The following GBE1 variants were observed in gnomAD, a reference collection of about 807,000 sequenced individuals.
GBE1 encodes 1,4-alpha-glucan-branching enzyme.
GBE1 carries 70 observed loss-of-function variants against 88.8 expected under a neutral mutation model. The ratio of observed to expected loss-of-function variants is 0.79; its 90% CI spans 0.65 to 0.96. GBE1 has a LOEUF of 0.96. Among genes scored for constraint, GBE1 ranks in the 40% least tolerant of loss-of-function variants. The pLI is 0.00. For missense variants in GBE1, 872 were observed against 871.0 expected (o/e 1.00, Z -0.01); for synonymous variants, 284 against 300.1 (o/e 0.95, Z 0.56).
chr3:81,689,466 T>C (rs1405306428), intron 2 of GBE1, among the ~76,000 whole-genome samples: 3 of 152,262 alleles, frequency 2.0e-5, no homozygotes. Flanking sequence ...TTTCTGTCTT[T>C]AATGTAAGAA....
chr3:81,664,851 A>G (rs1705088794), intron 3 of GBE1, among the ~76,000 whole-genome samples: 2 of 152,212 alleles, frequency 1.3e-5, no homozygotes, highest in Non-Finnish European at 2.9e-5. Flanking sequence ...GCAATCACAA[A>G]CTAACTATAT....
At chr3:81,626,181 T>C (rs919468828) in intron 7 of GBE1, among the ~76,000 whole-genome samples, 1 of 152,184 alleles carries the variant, frequency 6.6e-6, no homozygotes, top group Non-Finnish European at 1.5e-5. Flanking sequence ...TCTAATTTCA[T>C]CCACTCACTA....
chr3:81,501,261 C>A (rs1702582827), intron 14 of GBE1, among the ~76,000 whole-genome samples: 1 of 152,182 alleles, frequency 6.6e-6, no homozygotes. Flanking sequence ...ATGGGGGAAA[C>A]TGATGGAAGA....
chr3:81,623,669 C>A (rs895532538), intron 7 of GBE1, among the ~76,000 whole-genome samples: 17 of 152,038 alleles, frequency 1.1e-4, no homozygotes, highest in African/African-American at 4.1e-4. Context: ...TCTGAGACAG[C>A]GTTTCACTCT....
At chr3:81,565,795 T>G (rs1297957895) in intron 12 of GBE1, among the ~76,000 whole-genome samples, 1 of 152,126 alleles carries the variant, frequency 6.6e-6, no homozygotes, top group Non-Finnish European at 1.5e-5. Flanking sequence ...GAAAAACATA[T>G]GTACACATAT....
intron 2 of GBE1, among the ~76,000 whole-genome samples, chr3:81,686,956 C>G (rs1239353987): frequency 1.3e-5 from 2 of 151,778 alleles, no homozygotes; most frequent in Admixed American, 6.6e-5. Flanking sequence ...ATTTTGTAAC[C>G]TTTTGTCACA....
At chr3:81,723,232 T>C (rs1208295375) in intron 1 of GBE1, among the ~76,000 whole-genome samples, 1 of 151,134 alleles carries the variant, frequency 6.6e-6, no homozygotes, top group Non-Finnish European at 1.5e-5. Context: ...AACTGACATA[T>C]ATCCTTGGTA....
At chr3:81,501,834 A>T (rs1702590387) in intron 14 of GBE1, among the ~76,000 whole-genome samples, 1 of 151,104 alleles carries the variant, frequency 6.6e-6, no homozygotes, top group African/African-American at 2.4e-5. Context: ...AGTAGTTGAG[A>T]TCACAGACAC....
At chr3:81,564,932 G>A (rs947439935) in intron 12 of GBE1, among the ~76,000 whole-genome samples, 7 of 152,090 alleles carry the variant, frequency 4.6e-5, no homozygotes, top group African/African-American at 1.4e-4. Context: ...CTTACACTCA[G>A]CGATTCTGTC....
Position 81,689,656 on chromosome 3 carries a change from C to T in GBE1, c.313+15788G>A, listed in dbSNP as rs971841654. Among the ~76,000 whole-genome samples, 19 of 152,272 alleles carry T rather than the reference C, an allele frequency of 1.2e-4. No individual in the cohort carries two copies. The East Asian group carries it at 3.1e-3, about 25-fold the overall frequency. ...CTCACACACAGCCTCCCATCACTAGCGGGCGAGTCCACTCCACCATTTTGA... is the reference window on the plus strand; with the variant it reads ...CTCACACACAGCCTCCCATCACTAGTGGGCGAGTCCACTCCACCATTTTGA... On this transcript the variant is annotated intron_variant, in intron 2 of 15. Coordinates refer to ENST00000429644, the MANE Select transcript of GBE1 (RefSeq NM_000158.4).
At chr3:81,619,178 T>C (rs1704290650) in intron 7 of GBE1, among the ~76,000 whole-genome samples, 1 of 85,008 alleles carries the variant, frequency 1.2e-5, no homozygotes, top group Admixed American at 1.0e-4. Context: ...AACGATATTC[T>C]GCAGACCCCT....
intron 4 of GBE1, among the ~76,000 whole-genome samples, chr3:81,649,585 CA>C (rs1266183473): frequency 6.6e-6 from 1 of 151,668 alleles, no homozygotes; most frequent in Non-Finnish European, 1.5e-5. Flanking sequence ...ACCTCAAAAA[CA>C]TAGACAACAC....
intron 1 of GBE1, among the ~76,000 whole-genome samples, chr3:81,730,438 T>C (rs1222170993): frequency 2.0e-5 from 3 of 152,214 alleles, no homozygotes; most frequent in African/African-American, 7.2e-5. Flanking sequence ...AGAATTTTGC[T>C]TCACTCCCCA....
At chr3:81,535,727 ATTTAATGTAACATTTTTAT>A (rs1703066189) in intron 13 of GBE1, among the ~76,000 whole-genome samples, 1 of 152,072 alleles carries the variant, frequency 6.6e-6, no homozygotes, top group African/African-American at 2.4e-5. Context: ...ACTTTTCAAA[ATTTAATGTAACATTTTTAT>A]TTTAATGTAG....
intron 14 of GBE1, chr3:81,509,598 G>C (rs1346141334): frequency 1.3e-5 from 2 of 151,544 alleles, no homozygotes; most frequent in Admixed American, 6.6e-5. Flanking sequence ...TGCCATATAG[G>C]ACCTAGATTA....
chr3:81,622,176 T>G (rs2107015040), intron 7 of GBE1, among the ~76,000 whole-genome samples: 1 of 152,322 alleles, frequency 6.6e-6, no homozygotes, highest in Middle Eastern at 3.4e-3. Context: ...CATTTTCTTC[T>G]TAACCCATAT....
At chr3:81,691,268 T>C (rs1326694398) in intron 2 of GBE1, among the ~76,000 whole-genome samples, 1 of 152,188 alleles carries the variant, frequency 6.6e-6, no homozygotes, top group African/African-American at 2.4e-5. Flanking sequence ...AGATTTCAAT[T>C]TGTGATTCCT....
At chr3:81,653,084 G>C (rs1704874084) in intron 3 of GBE1, among the ~76,000 whole-genome samples, 1 of 152,134 alleles carries the variant, frequency 6.6e-6, no homozygotes, top group African/African-American at 2.4e-5. Context: ...CTGTCAAATG[G>C]GAGGTCTGAT....
intron 12 of GBE1, among the ~76,000 whole-genome samples, chr3:81,541,652 G>A (rs1703144869): frequency 6.6e-6 from 1 of 152,028 alleles, no homozygotes; most frequent in Non-Finnish European, 1.5e-5. Context: ...ACAGCCATCT[G>A]TGAACCAGGA....
Sources: gnomAD v4.1 joint callset for allele counts (sites outside exome capture counted in the v4.1 genomes callset) on GRCh38, gnomAD v4.1.1 for gene constraint, MANE v1.5 for transcripts, NCBI Gene and HGNC (gene_info 2026-07-23, HGNC 2026-07-21) for gene names.